The following KCNB2 variants were observed in gnomAD, a reference collection of about 807,000 sequenced individuals.
The protein encoded by KCNB2 is delayed rectifier potassium channel protein.
KCNB2 carries 15 observed loss-of-function variants against 61.5 expected under a neutral mutation model. The ratio of observed to expected loss-of-function variants is 0.24; its 90% confidence interval spans 0.16 to 0.38. The LOEUF is 0.38. Among genes scored for constraint, KCNB2 ranks in the 10% least tolerant of loss-of-function variants. The pLI is 1.00. For synonymous variants in KCNB2, 457 were observed against 446.0 expected, an observed-to-expected ratio of 1.02 and a Z score of -0.31; for missense variants, 828 against 1,125.2, an observed-to-expected ratio of 0.74 and a Z score of 3.78.
At chr8:72,550,507 C>A (rs1268776680) in intron 1 of KCNB2, among the ~76,000 whole-genome samples, 3 of 152,134 alleles carry the variant, frequency 2.0e-5, no homozygotes, top group Non-Finnish European at 2.9e-5. Context: ...ATTGATAATT[C>A]TTTGGGTTGT....
At chr8:72,725,537 A>ATC (rs1563571867) in intron 2 of KCNB2, among the ~76,000 whole-genome samples, 1 of 55,466 alleles carries the variant, frequency 1.8e-5, no homozygotes, top group Admixed American at 2.1e-4. Flanking sequence ...ATATATATAT[A>ATC]TATGTGTGTA....
intron 2 of KCNB2, among the ~76,000 whole-genome samples, chr8:72,625,074 T>TA (rs1805769274): frequency 2.6e-5 from 4 of 152,188 alleles, no homozygotes. Context: ...CAGACACCTT[T>TA]ATAGCAGCCT....
At chr8:72,624,349 T>C (rs2128984452) in intron 2 of KCNB2, among the ~76,000 whole-genome samples, 1 of 152,268 alleles carries the variant, frequency 6.6e-6, no homozygotes. Flanking sequence ...ATTAAGTGCC[T>C]TTTTCCTGAC....
intron 2 of KCNB2, among the ~76,000 whole-genome samples, chr8:72,795,761 C>G (rs62518159): frequency 6.6e-6 from 1 of 152,122 alleles, no homozygotes; most frequent in African/African-American, 2.4e-5. Context: ...TAAATACATA[C>G]CAAACAAAGC....
intron 2 of KCNB2, among the ~76,000 whole-genome samples, chr8:72,776,961 A>G (rs1338361349): frequency 6.6e-6 from 1 of 152,130 alleles, no homozygotes; most frequent in Non-Finnish European, 1.5e-5. Context: ...TCATTACTGT[A>G]TTCTTTTATC....
chr8:72,888,292 A>C (rs1189816366), intron 2 of KCNB2, among the ~76,000 whole-genome samples: 4 of 151,850 alleles, frequency 2.6e-5, no homozygotes, highest in African/African-American at 9.7e-5. Context: ...TTTTCTTTTT[A>C]TAGAGACAGG....
chr8:72,900,856 A>T (rs1285446762), intron 2 of KCNB2, among the ~76,000 whole-genome samples: 2 of 152,194 alleles, frequency 1.3e-5, no homozygotes, highest in Non-Finnish European at 2.9e-5. Context: ...AATATTAGGA[A>T]GGCTGAAGAG....
intron 1 of KCNB2, among the ~76,000 whole-genome samples, chr8:72,539,612 C>A (rs1443497093): frequency 2.0e-5 from 3 of 152,118 alleles, no homozygotes; most frequent in Non-Finnish European, 2.9e-5. Context: ...TACACAAACC[C>A]ACACGTATCG....
chr8:72,564,135 CTT>C (rs1051556282), intron 1 of KCNB2, among the ~76,000 whole-genome samples: 2 of 152,196 alleles, frequency 1.3e-5, no homozygotes, highest in African/African-American at 4.8e-5. Context: ...CCTCTCTTCT[CTT>C]GAGACACACA....
At chr8:72,681,487 T>A (rs1806753048) in intron 2 of KCNB2, among the ~76,000 whole-genome samples, 1 of 152,106 alleles carries the variant, frequency 6.6e-6, no homozygotes, top group South Asian at 2.1e-4. Context: ...TCAGGGGCAA[T>A]AACATGCATA....
intron 2 of KCNB2, among the ~76,000 whole-genome samples, chr8:72,789,313 C>T (rs1294060088): frequency 6.6e-6 from 1 of 152,156 alleles, no homozygotes; most frequent in African/African-American, 2.4e-5. Flanking sequence ...TGTTCAACGG[C>T]TCATAATTGA....
intron 2 of KCNB2, among the ~76,000 whole-genome samples, chr8:72,839,902 C>T (rs1278358477): frequency 2.6e-5 from 4 of 151,552 alleles, no homozygotes; most frequent in Admixed American, 1.3e-4. Flanking sequence ...CGTGAGCCAC[C>T]GTGCCCAGCC....
chr8:72,913,491 A>T (rs573605121), intron 2 of KCNB2, among the ~76,000 whole-genome samples: 10 of 152,198 alleles, frequency 6.6e-5, no homozygotes, highest in Non-Finnish European at 1.5e-4. Flanking sequence ...TTTTGAGGGT[A>T]CTGCAATAAG....
chr8:72,896,220 G>T (rs986655131), intron 2 of KCNB2, among the ~76,000 whole-genome samples: 1 of 152,220 alleles, frequency 6.6e-6, no homozygotes, highest in South Asian at 2.1e-4. Flanking sequence ...CTTCCAGAAA[G>T]TCCACAAGGT....
At chr8:72,849,317 C>G (rs1810052901) in intron 2 of KCNB2, among the ~76,000 whole-genome samples, 1 of 151,868 alleles carries the variant, frequency 6.6e-6, no homozygotes, top group Non-Finnish European at 1.5e-5. Context: ...TCCATCATCT[C>G]AAACATTATC....
intron 2 of KCNB2, among the ~76,000 whole-genome samples, chr8:72,840,062 C>T (rs915296101): frequency 2.6e-5 from 4 of 152,112 alleles, no homozygotes; most frequent in Non-Finnish European, 5.9e-5. Context: ...CCTCCCCTAG[C>T]CCCCCACCCT....
At chr8:72,928,470 A>G (rs978728691) in intron 2 of KCNB2, among the ~76,000 whole-genome samples, 1 of 152,172 alleles carries the variant, frequency 6.6e-6, no homozygotes, top group African/African-American at 2.4e-5. Context: ...TGCTGGGGTT[A>G]CAGGCATGAG....
intron 2 of KCNB2, chr8:72,732,233 A>C (rs570245902): frequency 6.6e-6 from 1 of 152,294 alleles, no homozygotes; most frequent in African/African-American, 2.4e-5. Flanking sequence ...AGCTTATTAT[A>C]TGTCTAGCTG....
intron 2 of KCNB2, among the ~76,000 whole-genome samples, chr8:72,830,027 C>A (rs534191224): frequency 4.2e-4 from 63 of 150,602 alleles, no homozygotes; most frequent in African/African-American, 1.5e-3. Flanking sequence ...TAATTGGTCG[C>A]TAAAAATTGC....
Sources: gnomAD v4.1 joint callset for allele counts (sites outside exome capture counted in the v4.1 genomes callset) on GRCh38, gnomAD v4.1.1 for gene constraint, MANE v1.5 for transcripts, NCBI Gene and HGNC (gene_info 2026-07-23, HGNC 2026-07-21) for gene names.